The following MED15 variants were observed in gnomAD, a reference collection of about 807,000 sequenced individuals.
MED15 encodes the protein mediator complex subunit 15.
In MED15, 41 loss-of-function variants were observed where a neutral mutation model predicts 118.7. The observed-to-expected ratio is 0.35, with a 90% CI of 0.27 to 0.45. The LOEUF is 0.45. MED15 is among the 20% of genes least tolerant of loss of function. The pLI is 1.00. For synonymous variants in MED15, 436 were observed against 413.9 expected (o/e 1.05, Z -0.65); for missense variants, 740 against 1,025.5 (o/e 0.72, Z 3.80).
intron 1 of MED15, among the ~76,000 whole-genome samples, chr22:20,517,811 T>G (rs914016533): frequency 2.6e-5 from 4 of 152,138 alleles, no homozygotes; most frequent in African/African-American, 9.7e-5. Flanking sequence ...CACAGGAAGA[T>G]GCAACCAGTC....
At chr22:20,511,811 C>T (rs2054074139) in intron 1 of MED15, among the ~76,000 whole-genome samples, 1 of 152,008 alleles carries the variant, frequency 6.6e-6, no homozygotes, top group African/African-American at 2.4e-5. Context: ...GAGGGTGAGG[C>T]CTAAAGTGTA....
intron 9 of MED15, among the ~76,000 whole-genome samples, chr22:20,581,736 G>C (rs983692984): frequency 1.3e-5 from 2 of 152,174 alleles, no homozygotes; most frequent in Admixed American, 1.3e-4. Context: ...TTTTACATAT[G>C]CTTATCCCTG....
At chr22:20,532,090 T>C (rs2054884927) in intron 1 of MED15, among the ~76,000 whole-genome samples, 2 of 152,186 alleles carry the variant, frequency 1.3e-5, no homozygotes, top group East Asian at 3.8e-4. Flanking sequence ...CTTCCCACAC[T>C]CAGTGGCAGT....
At position 20,582,921 on chromosome 22, in the gene MED15, C is replaced by G; in HGVS notation, c.1491C>G (p.Thr497=). The change falls in exon 11 of 18, where the codon ACC becomes ACG. Residue 497 remains threonine, a synonymous_variant. Coordinates refer to ENST00000263205, the MANE Select transcript of MED15 (RefSeq NM_001003891.3). ...QPSQSPVTAR[T]PQNFSVPSPG... ...CCCAGAGCCCAGTGACGGCGCGGAC[C>G]CCACAGAACTTCAGTGTCCCCTCAC... 1 of 1,613,752 alleles carries G rather than the reference C, an allele frequency of 6.2e-7. No homozygotes were observed. Among genetic ancestry groups the G allele is most frequent in the Non-Finnish European group, 8.5e-7 (1 of 1,180,004 alleles).
At chr22:20,529,893 A>C (rs1280404724) in intron 1 of MED15, among the ~76,000 whole-genome samples, 1 of 151,272 alleles carries the variant, frequency 6.6e-6, no homozygotes, top group Non-Finnish European at 1.5e-5. Context: ...TGCTCAGCTA[A>C]TTTTTGTATT....
chr22:20,524,185 GAGAT>G (rs909599503), intron 1 of MED15: 1 of 152,234 alleles, frequency 6.6e-6, no homozygotes, highest in African/African-American at 2.4e-5. Context: ...AGCTGCCTGA[GAGAT>G]AGAGAGGCCA....
At chr22:20,553,216 G>C (rs2055857223) in intron 4 of MED15, 42 bp downstream of exon 4, 3 of 1,590,984 alleles carry the variant, frequency 1.9e-6, no homozygotes, top group Non-Finnish European at 2.6e-6. Context: ...TCCCAACTTT[G>C]GATTTGAGGT....
intron 13 of MED15, chr22:20,584,061 A>C: frequency 2.2e-6 from 1 of 456,604 alleles, no homozygotes; most frequent in Non-Finnish European, 4.0e-6. Context: ...TGTTAGGGTT[A>C]TAGGGATGAG....
chr22:20,516,012 A>AC (rs60063785), intron 1 of MED15, among the ~76,000 whole-genome samples: 11 of 143,490 alleles, frequency 7.7e-5, no homozygotes, highest in African/African-American at 2.3e-4. Flanking sequence ...AAACAAACAA[A>AC]AAAAATTAAA....
At chr22:20,514,730 C>T (rs187029358) in intron 1 of MED15, among the ~76,000 whole-genome samples, 5 of 152,324 alleles carry the variant, frequency 3.3e-5, no homozygotes, top group Admixed American at 2.0e-4. Flanking sequence ...TGAACAGCAA[C>T]TTCCAAGGGT....
chr22:20,517,852 A>AT lies in MED15; in HGVS notation c.68+10114dup, dbSNP rs59692711. Among the ~76,000 whole-genome samples the AT allele has an allele frequency of 6.1e-3, 931 of 151,726 alleles. 10 individuals are homozygous for AT. Among genetic ancestry groups the AT allele is most frequent in the African/African-American group, 0.021 (887 of 41,282 alleles). ...AGCTGGGGGCACTTAAATTAGATCCATTTTTTTTCTGGAAGGCCTTTTGGC... is the reference window on the plus strand; with the variant it reads ...AGCTGGGGGCACTTAAATTAGATCCATTTTTTTTTCTGGAAGGCCTTTTGGC... On this transcript the variant is annotated intron_variant, in intron 1 of 17. Transcript: ENST00000263205.
chr22:20,553,257 G>A, intron 4 of MED15, 83 bp downstream of exon 4: 1 of 1,402,414 alleles, frequency 7.1e-7, no homozygotes, highest in Non-Finnish European at 1.0e-6. Flanking sequence ...TGCCTCATGT[G>A]CCTGGGTTAA....
intron 4 of MED15, among the ~76,000 whole-genome samples, chr22:20,553,692 G>T (rs2055877523): frequency 6.6e-6 from 1 of 152,108 alleles, no homozygotes; most frequent in Admixed American, 6.6e-5. Flanking sequence ...GGCCAACATG[G>T]TAAAACCCCA....
intron 2 of MED15, chr22:20,551,025 C>G: frequency 4.8e-6 from 2 of 413,466 alleles, no homozygotes; most frequent in Non-Finnish European, 9.9e-6. Flanking sequence ...CCCTTCTTTA[C>G]AGATAGTGCA....
Position 20,555,141 on chromosome 22 carries a change from T to A in MED15, c.444T>A (p.Thr148=). ...GCATGGCTGTCGTGTCTACGGCAAC[T>A]CCACAGAGTGAGTACCACACTTCTT... ...PHSMAVVSTA[T]PQTQLQLQQV... is the part of the protein sequence containing the mutation. The change falls in exon 5 of 18, where the codon ACT becomes ACA. Residue 148 remains threonine, a synonymous_variant. Transcript: ENST00000263205. The A allele has an allele frequency of 6.3e-7, 1 of 1,598,786 alleles. No homozygotes were observed. Among genetic ancestry groups the A allele is most frequent in the Non-Finnish European group, 8.5e-7 (1 of 1,173,432 alleles).
At chr22:20,584,489 G>A (rs1427241109) in intron 14 of MED15, 64 bp downstream of exon 14, 16 of 1,549,060 alleles carry the variant, frequency 1.0e-5, no homozygotes, top group Admixed American at 8.4e-5. Flanking sequence ...TGGGAGTGCT[G>A]CTGAGAGGGC....
intron 5 of MED15, among the ~76,000 whole-genome samples, chr22:20,558,655 T>C (rs750576613): frequency 7.9e-5 from 12 of 152,254 alleles, no homozygotes; most frequent in Non-Finnish European, 1.6e-4. Context: ...CCTGCAGCAG[T>C]TGGGGAGGCT....
At chr22:20,579,282 C>T (rs2056908950) in intron 9 of MED15, among the ~76,000 whole-genome samples, 1 of 152,200 alleles carries the variant, frequency 6.6e-6, no homozygotes, top group Non-Finnish European at 1.5e-5. Flanking sequence ...ATCCCAGGTG[C>T]TGGACTTGGA....
At chr22:20,551,220 C>T (rs2055761609) in intron 2 of MED15, 1 of 694,082 alleles carries the variant, frequency 1.4e-6, no homozygotes, top group South Asian at 1.5e-5. Context: ...CTCTCTGTCC[C>T]CTTCTTGTTT....
Sources: allele counts gnomAD v4.1 joint callset (sites outside exome capture counted in the v4.1 genomes callset), GRCh38; gene constraint gnomAD v4.1.1; transcripts MANE v1.5; gene names NCBI Gene and HGNC (gene_info 2026-07-23, HGNC 2026-07-21).